Variants in GPD2 observed in about 807,000 individuals in gnomAD.
The protein encoded by GPD2 is glycerol-3-phosphate dehydrogenase 2.
A neutral mutation model predicts 82.4 loss-of-function variants in GPD2; 54 were observed. The observed-to-expected ratio is 0.66, with a 90% CI of 0.53 to 0.82. The LOEUF (loss-of-function observed/expected upper bound fraction) is 0.82, where lower values mean the gene tolerates loss of function less well. GPD2 is among the 40% of genes least tolerant of loss of function. The probability of loss-of-function intolerance (pLI) is 0.00; values close to 1 mark genes in which losing one functional copy is unlikely to be tolerated. For missense variants in GPD2, 748 were observed against 896.2 expected, an observed-to-expected ratio of 0.83 and a Z score of 2.11; for synonymous variants, 288 against 306.1, an observed-to-expected ratio of 0.94 and a Z score of 0.62.
At chr2:156,534,823 A>C (rs896500000) in intron 6 of GPD2, among the ~76,000 whole-genome samples, 1 of 152,160 alleles carries the variant, frequency 6.6e-6, no homozygotes, top group African/African-American at 2.4e-5. Flanking sequence ...AAAAAAAAAA[A>C]CTCTAACAGA....
At chr2:156,461,337 G>C (rs1184771218) in intron 1 of GPD2, among the ~76,000 whole-genome samples, 1 of 151,966 alleles carries the variant, frequency 6.6e-6, no homozygotes, top group Non-Finnish European at 1.5e-5. Context: ...CTTTCTTTCT[G>C]AAATATAAGT....
At chr2:156,423,464 C>A in the GPD2 span, among the ~76,000 whole-genome samples, 3 of 152,044 alleles carry the variant, frequency 2.0e-5, no homozygotes, top group African/African-American at 7.2e-5. Context: ...GTTTCACCAC[C>A]ACTGACAAAA....
the GPD2 span, among the ~76,000 whole-genome samples, chr2:156,400,352 C>G: frequency 6.6e-6 from 1 of 152,234 alleles, no homozygotes; most frequent in Admixed American, 6.5e-5. Flanking sequence ...AGGTTTGGAC[C>G]GGGGTTCTAC....
chr2:156,463,728 A>G (rs537158489), intron 1 of GPD2, among the ~76,000 whole-genome samples: 1 of 152,314 alleles, frequency 6.6e-6, no homozygotes, highest in African/African-American at 2.4e-5. Flanking sequence ...AGTTTTGGGA[A>G]TACAACATAG....
upstream of GPD2, among the ~76,000 whole-genome samples, chr2:156,431,862 ACGTGTCTG>A (rs1456179782): frequency 2.1e-4 from 31 of 150,046 alleles, no homozygotes; most frequent in Non-Finnish European, 3.3e-4. Flanking sequence ...TTTATTTTAT[ACGTGTCTG>A]CGTGTCTGTG....
At chr2:156,530,473 T>G (rs1685807392) in intron 6 of GPD2, among the ~76,000 whole-genome samples, 1 of 151,060 alleles carries the variant, frequency 6.6e-6, no homozygotes, top group South Asian at 2.1e-4. Flanking sequence ...CTATGTTGAA[T>G]AGGAGTGGTG....
chr2:156,519,435 G>C (rs968392100), intron 6 of GPD2, among the ~76,000 whole-genome samples: 3 of 152,106 alleles, frequency 2.0e-5, no homozygotes, highest in Admixed American at 6.5e-5. Context: ...GTATTGGCAT[G>C]ATACATTAAA....
intron 8 of GPD2, 102 bp from the exon 9 acceptor site, chr2:156,557,287 G>A: frequency 1.3e-6 from 1 of 787,596 alleles, no homozygotes; most frequent in African/African-American, 1.7e-5. Context: ...TATCTTTCTT[G>A]TTTGCATATT....
chr2:156,433,853 A>T (rs780757750), upstream of GPD2, among the ~76,000 whole-genome samples: 5 of 152,334 alleles, frequency 3.3e-5, 1 homozygote, highest in Non-Finnish European at 7.3e-5. Flanking sequence ...CTAGAGTACA[A>T]AAGTGAGTAA....
At chr2:156,564,361 A>G (rs1241060233) in intron 9 of GPD2, among the ~76,000 whole-genome samples, 2 of 152,144 alleles carry the variant, frequency 1.3e-5, no homozygotes, top group African/African-American at 4.8e-5. Flanking sequence ...AGCATCTACT[A>G]CCTTGAATCT....
rs2105218256 is a variant in GPD2, at chr2:156,484,416, C to T, written c.102+8209C>T. Among the ~76,000 whole-genome samples the T allele has an allele frequency of 1.3e-5, 2 of 152,268 alleles. 1 individual carries two copies. The highest frequency in any genetic ancestry group is 4.1e-4 in the South Asian group (2 of 4,824). On this transcript the variant is annotated intron_variant, in intron 2 of 16. Transcript: ENST00000438166. The stretch of plus-strand genomic sequence containing the variant: ...CCTCCCAAAGAGCCGGGATTACAGG[C>T]GTGAGCCCAGTCCCAATCTTTCTCT...
intron 6 of GPD2, among the ~76,000 whole-genome samples, chr2:156,521,466 T>TA (rs1011259525): frequency 3.3e-5 from 5 of 152,222 alleles, no homozygotes; most frequent in Admixed American, 6.5e-5. Context: ...ACTACTATAA[T>TA]AAATGCAAAA....
the GPD2 span, among the ~76,000 whole-genome samples, chr2:156,406,809 T>C: frequency 6.6e-6 from 1 of 152,204 alleles, no homozygotes; most frequent in African/African-American, 2.4e-5. Flanking sequence ...CTAAAGCTCT[T>C]TCTTCTTCTT....
chr2:156,535,666 G>A (rs746151852), intron 6 of GPD2, among the ~76,000 whole-genome samples: 22 of 152,076 alleles, frequency 1.4e-4, no homozygotes, highest in Non-Finnish European at 2.6e-4. Flanking sequence ...TGATTTGGAA[G>A]TGAATTAATA....
intron 1 of GPD2, among the ~76,000 whole-genome samples, chr2:156,469,587 G>C (rs2105189923): frequency 6.6e-6 from 1 of 152,308 alleles, no homozygotes; most frequent in East Asian, 1.9e-4. Context: ...TGTGACTAGT[G>C]CTGCAATAAA....
the GPD2 span, among the ~76,000 whole-genome samples, chr2:156,400,317 G>A: frequency 6.6e-6 from 1 of 152,354 alleles, no homozygotes; most frequent in Admixed American, 6.5e-5. Context: ...CTCGCGGCGC[G>A]GCCCGAGCGC....
the GPD2 span, among the ~76,000 whole-genome samples, chr2:156,406,158 C>T: frequency 6.6e-6 from 1 of 151,760 alleles, no homozygotes; most frequent in Non-Finnish European, 1.5e-5. Flanking sequence ...ATTTGGATTG[C>T]CCTTTACTGG....
chr2:156,540,769 A>T (rs567544583), intron 6 of GPD2, among the ~76,000 whole-genome samples: 7 of 152,334 alleles, frequency 4.6e-5, no homozygotes, highest in Admixed American at 3.3e-4. Context: ...CCTTCATGAC[A>T]TACAGAAAAA....
intron 1 of GPD2, among the ~76,000 whole-genome samples, chr2:156,440,589 C>A (rs113460383): frequency 7.3e-4 from 111 of 152,260 alleles, no homozygotes; most frequent in Non-Finnish European, 1.4e-3. Context: ...GTATTTCTTT[C>A]TATATCATAT....
Sources: allele counts gnomAD v4.1 joint callset (sites outside exome capture counted in the v4.1 genomes callset), GRCh38; gene constraint gnomAD v4.1.1; transcripts MANE v1.5; gene names NCBI Gene and HGNC (gene_info 2026-07-23, HGNC 2026-07-21).